The following CPQ variants were observed in gnomAD, a reference collection of about 807,000 sequenced individuals.
CPQ encodes the protein carboxypeptidase Q.
In CPQ, 37 loss-of-function variants were observed where a neutral mutation model predicts 45.7. The observed-to-expected ratio is 0.81, with a 90% CI of 0.62 to 1.07. The LOEUF (loss-of-function observed/expected upper bound fraction) is 1.07, where lower values mean the gene tolerates loss of function less well. Ranked by LOEUF, CPQ falls within the 50% of genes least tolerant of loss-of-function variation. CPQ has a pLI of 0.00. For synonymous variants in CPQ, 186 were observed against 205.8 expected (o/e 0.90, Z 0.82); for missense variants, 537 against 572.9 (o/e 0.94, Z 0.64).
intron 5 of CPQ, among the ~76,000 whole-genome samples, chr8:96,999,230 C>G (rs1586487265): frequency 7.0e-6 from 1 of 142,958 alleles, no homozygotes. Flanking sequence ...TTTTCTTATC[C>G]TTTTTTTTTT....
At chr8:97,070,222 T>C (rs1810716529) in intron 7 of CPQ, among the ~76,000 whole-genome samples, 1 of 152,168 alleles carries the variant, frequency 6.6e-6, no homozygotes, top group Non-Finnish European at 1.5e-5. Flanking sequence ...TATTCACTGG[T>C]GTTCATGAAT....
At chr8:97,080,090 C>T (rs1354233044) in intron 7 of CPQ, among the ~76,000 whole-genome samples, 1 of 152,150 alleles carries the variant, frequency 6.6e-6, no homozygotes, top group Non-Finnish European at 1.5e-5. Flanking sequence ...CATAGATCCA[C>T]AAGTCTTGCT....
At chr8:96,999,648 C>T (rs1809236544) in intron 5 of CPQ, among the ~76,000 whole-genome samples, 1 of 152,030 alleles carries the variant, frequency 6.6e-6, no homozygotes, top group South Asian at 2.1e-4. Flanking sequence ...CATTGATGGG[C>T]ATTTAAGTTG....
In CPQ at chr8:96,836,592, C is replaced by T. The variant is rs149423755; in HGVS notation, c.641+1412C>T. ...GCTAGCTTACTTCCCATAATACCTC[C>T]ATCACCCCTTGGAATAACATATTCA... On this transcript the variant is annotated intron_variant, in intron 3 of 7. Coordinates refer to ENST00000220763, the MANE Select transcript of CPQ (RefSeq NM_016134.4). Among the ~76,000 whole-genome samples the T allele has an allele frequency of 4.6e-5, 7 of 152,262 alleles. No homozygotes were observed. In the East Asian group the frequency reaches 1.4e-3, roughly 29 times the overall value.
intron 3 of CPQ, among the ~76,000 whole-genome samples, chr8:96,849,240 C>T (rs1811739919): frequency 6.6e-6 from 1 of 152,130 alleles, no homozygotes; most frequent in African/African-American, 2.4e-5. Context: ...ATTACTGAAC[C>T]TATTCTTGAT....
intron 2 of CPQ, among the ~76,000 whole-genome samples, chr8:96,817,015 A>G (rs938625223): frequency 2.0e-5 from 3 of 152,158 alleles, no homozygotes; most frequent in Admixed American, 6.6e-5. Context: ...TGGCTTCAAC[A>G]AAGTCATAGC....
At chr8:97,016,705 G>GAGAT (rs1298450147) in intron 5 of CPQ, among the ~76,000 whole-genome samples, 6 of 152,192 alleles carry the variant, frequency 3.9e-5, no homozygotes, top group East Asian at 1.9e-4. Flanking sequence ...AAGTATTATA[G>GAGAT]AGATAGGCTT....
At chr8:96,839,219 C>A (rs186346339) in intron 3 of CPQ, among the ~76,000 whole-genome samples, 1 of 151,976 alleles carries the variant, frequency 6.6e-6, no homozygotes, top group Non-Finnish European at 1.5e-5. Flanking sequence ...TATCATCAGC[C>A]ATTTTGGGTC....
At chr8:96,854,665 TC>T (rs1366704392) in intron 3 of CPQ, among the ~76,000 whole-genome samples, 1 of 151,438 alleles carries the variant, frequency 6.6e-6, no homozygotes, top group African/African-American at 2.4e-5. Context: ...AAGAAATTTA[TC>T]ATAAAGAATT....
intron 5 of CPQ, among the ~76,000 whole-genome samples, chr8:96,969,210 G>GA (rs912028608): frequency 3.1e-4 from 47 of 152,170 alleles, no homozygotes; most frequent in East Asian, 3.8e-4. Context: ...CATTTTTCCA[G>GA]AAAAAATGTA....
rs372331332 is a variant in CPQ at position 96,925,447 on chromosome 8, G to A, written c.850-40488G>A. Reference sequence around the variant, plus strand: ...CCCCCAGGCTGGAGTGCATTGGTGTGATCTTGGCTCACTGCAACCCCGTCT... The same window carrying A: ...CCCCCAGGCTGGAGTGCATTGGTGTAATCTTGGCTCACTGCAACCCCGTCT... On this transcript the variant is annotated intron_variant, in intron 4 of 7. Transcript: ENST00000220763. Among the ~76,000 whole-genome samples the A allele has an allele frequency of 5.3e-5, 8 of 150,906 alleles. No individual in the cohort carries two copies. In the East Asian group the frequency reaches 1.6e-3, roughly 30 times the overall value.
intron 5 of CPQ, among the ~76,000 whole-genome samples, chr8:96,991,176 C>A (rs1008022690): frequency 2.0e-5 from 3 of 152,162 alleles, no homozygotes; most frequent in Non-Finnish European, 4.4e-5. Flanking sequence ...CTGACTCTGC[C>A]ACCTGCTGTC....
chr8:96,860,373 A>C (rs1339332887), intron 3 of CPQ, among the ~76,000 whole-genome samples: 3 of 152,144 alleles, frequency 2.0e-5, no homozygotes, highest in Non-Finnish European at 2.9e-5. Flanking sequence ...TGCTATGGCC[A>C]TGGCTTCAAA....
chr8:97,031,526 A>G (rs1028255825), intron 6 of CPQ, among the ~76,000 whole-genome samples: 1 of 152,162 alleles, frequency 6.6e-6, no homozygotes. Flanking sequence ...AAAATATTGG[A>G]TTTAAATTGC....
At chr8:96,847,308 G>A (rs1811708514) in intron 3 of CPQ, among the ~76,000 whole-genome samples, 1 of 152,132 alleles carries the variant, frequency 6.6e-6, no homozygotes, top group Non-Finnish European at 1.5e-5. Flanking sequence ...TGTACTGGAA[G>A]TTGCAAATGT....
intron 4 of CPQ, among the ~76,000 whole-genome samples, chr8:96,944,589 T>A (rs1272013379): frequency 2.0e-5 from 3 of 152,116 alleles, no homozygotes; most frequent in Non-Finnish European, 1.5e-5. Context: ...CTTTAACCTT[T>A]TGAAGGTTTA....
intron 4 of CPQ, among the ~76,000 whole-genome samples, chr8:96,937,526 T>A (rs916090186): frequency 2.6e-5 from 4 of 152,138 alleles, no homozygotes; most frequent in Admixed American, 6.6e-5. Flanking sequence ...GAGATAGTAG[T>A]ACTGGAAGTC....
intron 4 of CPQ, among the ~76,000 whole-genome samples, chr8:96,882,578 T>C (rs1812242805): frequency 6.6e-6 from 1 of 152,074 alleles, no homozygotes; most frequent in Non-Finnish European, 1.5e-5. Context: ...GAGTGAGTTA[T>C]TGGGATCCTT....
intron 1 of CPQ, among the ~76,000 whole-genome samples, chr8:96,724,768 A>G (rs1282819813): frequency 6.6e-6 from 1 of 152,218 alleles, no homozygotes; most frequent in African/African-American, 2.4e-5. Context: ...TCTAAAATTC[A>G]TATGGAACCA....
Sources: allele counts gnomAD v4.1 joint callset (sites outside exome capture counted in the v4.1 genomes callset), GRCh38; gene constraint gnomAD v4.1.1; transcripts MANE v1.5; gene names NCBI Gene and HGNC (gene_info 2026-07-23, HGNC 2026-07-21).